Variants in AKAP9 observed in about 807,000 individuals in gnomAD.
AKAP9 encodes A-kinase anchoring protein 9.
Under a neutral mutation model 488.5 loss-of-function variants are expected in AKAP9, and 311 were observed. The observed-to-expected ratio is 0.64, with a 90% CI of 0.58 to 0.70. The LOEUF (loss-of-function observed/expected upper bound fraction) is 0.70, where lower values mean the gene tolerates loss of function less well. Ranked by LOEUF, AKAP9 falls within the 30% of genes least tolerant of loss-of-function variation. AKAP9 has a pLI of 0.00. For missense variants in AKAP9, 4,215 were observed against 4,374.5 expected, an observed-to-expected ratio of 0.96 and a Z score of 1.03; for synonymous variants, 1,462 against 1,483.5, an observed-to-expected ratio of 0.99 and a Z score of 0.33.
chr7:92,041,810 A>T (rs1424836235), intron 18 of AKAP9: 1 of 397,908 alleles, frequency 2.5e-6, no homozygotes, highest in African/African-American at 2.0e-5. Flanking sequence ...TGCAAAATTG[A>T]CAAAAATTAA....
In AKAP9 at chr7:92,109,306, C is replaced by CTT. The variant is rs1011366915; in HGVS notation, c.11686+674_11686+675dup. On this transcript the variant is annotated intron_variant, in intron 49 of 49. Transcript: ENST00000356239. Reference sequence around the variant, plus strand: ...AGGAAAACCTCTTTTCCCTATCTCACTTCAGTTCACTCCTGATTCAGAGAC... The same window carrying CTT: ...AGGAAAACCTCTTTTCCCTATCTCACTTTTCAGTTCACTCCTGATTCAGAGAC... Among the ~76,000 whole-genome samples, 3 of 152,174 alleles carry CTT rather than the reference C, an allele frequency of 2.0e-5. 1 individual carries two copies. The highest frequency in any genetic ancestry group is 4.4e-5 in the Non-Finnish European group (3 of 68,036).
chr7:91,981,115 A>T (rs765514950), intron 3 of AKAP9, among the ~76,000 whole-genome samples: 8 of 152,238 alleles, frequency 5.3e-5, no homozygotes, highest in Non-Finnish European at 1.0e-4. Context: ...TAATCTGGCC[A>T]GGAAAATAAT....
intron 1 of AKAP9, among the ~76,000 whole-genome samples, chr7:91,957,879 A>G (rs1793235659): frequency 6.6e-6 from 1 of 152,170 alleles, no homozygotes; most frequent in Non-Finnish European, 1.5e-5. Context: ...TTGTTTCCAT[A>G]ATAAAACTAT....
chr7:92,031,519 G>A lies in AKAP9; in HGVS notation c.4253G>A (p.Gly1418Asp), dbSNP rs374280470. 6.4e-5 allele frequency: 103 copies of A among 1,609,604 alleles called. 1 individual carries two copies. The highest frequency in any genetic ancestry group is 4.8e-5 in the Non-Finnish European group (56 of 1,176,544). The change falls in exon 16 of 50, where the codon GGT (glycine) becomes GAT (aspartate). Residue 1418 changes from glycine to aspartate, a missense_variant. By Grantham distance (94) the Gly-to-Asp change is moderately conservative. This residue lies in a region of AKAP9 where 2,361 missense variants were observed against 2,430.0 expected (regional missense o/e 0.97). Coordinates refer to ENST00000356239, the MANE Select transcript of AKAP9 (RefSeq NM_005751.5). ...KNIDGTIEFS[G>D]EFGVKEETNI... ...TTTTGCTTTTAAATGTAGTTTTCTGGTGAATTTGGAGTGAAAGAGGAAACA... is the reference window on the plus strand; with the variant it reads ...TTTTGCTTTTAAATGTAGTTTTCTGATGAATTTGGAGTGAAAGAGGAAACA...
chr7:92,101,110 T>TTG lies in AKAP9; in HGVS notation c.11097+55_11097+56insGT. On this transcript the variant is annotated intron_variant, in intron 45 of 49. Coordinates refer to ENST00000356239, the MANE Select transcript of AKAP9 (RefSeq NM_005751.5). ...CAGCTGGTTCTATGTTTTTGCCTTC[T>TTG]TTCATCTCTCACTGACCTTAAATAA... is the stretch of plus-strand genomic sequence containing the variant. 4 of 1,555,010 alleles carry TTG rather than the reference T, an allele frequency of 2.6e-6. No individual in the cohort carries two copies. The South Asian group carries it at 4.7e-5, about 18-fold the overall frequency.
intron 1 of AKAP9, among the ~76,000 whole-genome samples, chr7:91,953,396 G>A (rs1440799700): frequency 6.6e-6 from 1 of 152,094 alleles, no homozygotes; most frequent in Non-Finnish European, 1.5e-5. Flanking sequence ...TATGAGGTTG[G>A]ACTGGACCAG....
intron 46 of AKAP9, among the ~76,000 whole-genome samples, chr7:92,103,999 G>A (rs937188985): frequency 6.6e-6 from 1 of 151,980 alleles, no homozygotes; most frequent in Non-Finnish European, 1.5e-5. Flanking sequence ...TGATTGACAT[G>A]GAGCCAAGAC....
chr7:91,956,197 G>A (rs1255901166), intron 1 of AKAP9, among the ~76,000 whole-genome samples: 1 of 151,632 alleles, frequency 6.6e-6, no homozygotes, highest in Non-Finnish European at 1.5e-5. Flanking sequence ...TCAGGAGATC[G>A]AGACCATCCT....
In AKAP9 at chr7:92,100,880, G is replaced by A. The variant is rs772950507; in HGVS notation, c.10921G>A (p.Gly3641Ser). ...DNSSRFSLNG[G>S]ANIEAIIASE... ...GTCTTCCAGGTTTTCATTGAATGGTGGTGCCAACATTGAAGCCATCATTGC... is the reference window on the plus strand; with the variant it reads ...GTCTTCCAGGTTTTCATTGAATGGTAGTGCCAACATTGAAGCCATCATTGC... Residue 3641 changes from glycine to serine, a missense_variant, in exon 45 of 50, where the codon GGT (glycine) becomes AGT (serine). By Grantham distance (56) the Gly-to-Ser change is moderately conservative (BLOSUM62 0). This residue lies in a region of AKAP9 where 74 missense variants were observed against 113.0 expected (regional missense o/e 0.65). Coordinates refer to ENST00000356239, the MANE Select transcript of AKAP9 (RefSeq NM_005751.5). The A allele has an allele frequency of 6.2e-7, 1 of 1,614,132 alleles. No individual in the cohort carries two copies. Among genetic ancestry groups the A allele is most frequent in the Non-Finnish European group, 8.5e-7 (1 of 1,179,996 alleles).
intron 1 of AKAP9, among the ~76,000 whole-genome samples, chr7:91,960,835 C>G (rs1793642734): frequency 6.6e-6 from 1 of 152,156 alleles, no homozygotes; most frequent in Non-Finnish European, 1.5e-5. Context: ...TTATTTTCTT[C>G]ACAGGTAAAA....
At chr7:92,078,694 A>G (rs992456602) in intron 30 of AKAP9, among the ~76,000 whole-genome samples, 4 of 152,128 alleles carry the variant, frequency 2.6e-5, no homozygotes, top group African/African-American at 7.2e-5. Context: ...CTTAGATTTT[A>G]TCATGTTATT....
At position 92,062,479 on chromosome 7, in the gene AKAP9, T is replaced by A; in HGVS notation, c.5970T>A (p.Val1990=). 2 of 1,612,836 alleles carry A rather than the reference T, an allele frequency of 1.2e-6. No individual in the cohort carries two copies. The highest frequency in any genetic ancestry group is 1.3e-5 in the African/African-American group (1 of 74,986). Residue 1990 remains valine, a synonymous_variant, in exon 24 of 50, where the codon GTT becomes GTA. Transcript: ENST00000356239. ...KEAMKAEAGP[V]EQQLLQETEK... ...CTATGAAAGCAGAGGCAGGCCCAGT[T>A]GAACAACGTAAGTATTTTCAGAATT...
intron 14 of AKAP9, among the ~76,000 whole-genome samples, chr7:92,028,598 TA>T (rs954178832): frequency 1.3e-5 from 2 of 152,148 alleles, no homozygotes; most frequent in African/African-American, 4.8e-5. Flanking sequence ...AGGAAAAACC[TA>T]AACGGCCAAT....
At chr7:92,034,998 T>C (rs897294999) in intron 16 of AKAP9, among the ~76,000 whole-genome samples, 4 of 152,240 alleles carry the variant, frequency 2.6e-5, no homozygotes, top group Admixed American at 2.6e-4. Flanking sequence ...TTTTTCTGCG[T>C]GCTTTGGACT....
chr7:92,077,292 C>T (rs373813811), intron 29 of AKAP9, among the ~76,000 whole-genome samples: 5 of 151,642 alleles, frequency 3.3e-5, no homozygotes, highest in African/African-American at 4.8e-5. Context: ...GGGGTTTCAC[C>T]GTGTTAGCCA....
At chr7:91,974,352 T>A (rs910078056) in intron 2 of AKAP9, among the ~76,000 whole-genome samples, 1 of 152,206 alleles carries the variant, frequency 6.6e-6, no homozygotes, top group African/African-American at 2.4e-5. Flanking sequence ...TTTGTGGCTA[T>A]CCAGTTGTAC....
chr7:91,941,365 G>A (rs1790736137), intron 1 of AKAP9, among the ~76,000 whole-genome samples: 1 of 152,214 alleles, frequency 6.6e-6, no homozygotes, highest in Admixed American at 6.5e-5. Context: ...CTTCCGCGAG[G>A]ATTGAATATT....
chr7:92,056,280 A>G (rs1808778379), intron 22 of AKAP9, among the ~76,000 whole-genome samples: 1 of 152,100 alleles, frequency 6.6e-6, no homozygotes, highest in African/African-American at 2.4e-5. Context: ...TTTGCTTCAA[A>G]TAAGAGAAAC....
chr7:92,068,799 T>C (rs1374702567), intron 26 of AKAP9, among the ~76,000 whole-genome samples: 2 of 152,140 alleles, frequency 1.3e-5, no homozygotes, highest in Non-Finnish European at 2.9e-5. Flanking sequence ...CCTGAAATTA[T>C]AGTTAAGCTT....
Sources: allele counts gnomAD v4.1 joint callset (sites outside exome capture counted in the v4.1 genomes callset), GRCh38; gene constraint gnomAD v4.1.1; regional missense constraint gnomAD v4.1.1; transcripts MANE v1.5; gene names NCBI Gene and HGNC (gene_info 2026-07-23, HGNC 2026-07-21).